Variants in ZFAND3 observed in about 807,000 individuals in gnomAD.
ZFAND3 encodes zinc finger AN1-type containing 3, also known as AN1-type zinc finger protein 3.
In ZFAND3, 10 loss-of-function variants were observed where a neutral mutation model predicts 29.6. That is an observed-to-expected ratio of 0.34 (90% CI 0.21 to 0.57). The LOEUF (loss-of-function observed/expected upper bound fraction) is 0.57. Among genes scored for constraint, ZFAND3 ranks in the 20% least tolerant of loss-of-function variants. The pLI, the probability that ZFAND3 is intolerant of heterozygous loss-of-function variation, is 0.86. For synonymous variants in ZFAND3, 128 were observed against 112.6 expected (o/e 1.14, Z -0.87); for missense variants, 230 against 304.5 (o/e 0.76, Z 1.82).
At chr6:38,017,619 T>C (rs1403338385) in intron 2 of ZFAND3, among the ~76,000 whole-genome samples, 3 of 152,136 alleles carry the variant, frequency 2.0e-5, no homozygotes, top group Non-Finnish European at 4.4e-5. Flanking sequence ...TTAGAATTTC[T>C]ATATTTGATA....
chr6:38,067,150 G>T (rs117341779), intron 3 of ZFAND3, among the ~76,000 whole-genome samples: 1 of 152,114 alleles, frequency 6.6e-6, no homozygotes, highest in African/African-American at 2.4e-5. Flanking sequence ...GGGATTCGGC[G>T]CATACTCAAG....
chr6:37,886,193 G>C (rs896600594), intron 1 of ZFAND3, among the ~76,000 whole-genome samples: 1 of 129,886 alleles, frequency 7.7e-6, no homozygotes, highest in Non-Finnish European at 1.6e-5. Flanking sequence ...AGCTGAGATT[G>C]CGCCACTGCA....
At chr6:38,046,925 GA>G (rs1763914677) in intron 2 of ZFAND3, among the ~76,000 whole-genome samples, 1 of 151,974 alleles carries the variant, frequency 6.6e-6, no homozygotes, top group South Asian at 2.1e-4. Context: ...AAGTTCAGTT[GA>G]TACCCCAGCC....
chr6:38,128,150 C>G (rs192995823), intron 5 of ZFAND3, among the ~76,000 whole-genome samples: 1 of 152,132 alleles, frequency 6.6e-6, no homozygotes, highest in African/African-American at 2.4e-5. Flanking sequence ...TCAAAATAAT[C>G]GGATTTTTAA....
intron 2 of ZFAND3, among the ~76,000 whole-genome samples, chr6:37,987,594 C>A (rs191448154): frequency 4.6e-5 from 7 of 152,318 alleles, no homozygotes; most frequent in East Asian, 3.9e-4. Flanking sequence ...ACCTGCAGAA[C>A]CTTTGTAAAC....
intron 3 of ZFAND3, among the ~76,000 whole-genome samples, chr6:38,067,113 T>C (rs773721212): frequency 2.0e-5 from 3 of 152,248 alleles, no homozygotes; most frequent in Non-Finnish European, 4.4e-5. Flanking sequence ...GTACCTTATA[T>C]GCACAATCAT....
intron 1 of ZFAND3, among the ~76,000 whole-genome samples, chr6:37,916,732 A>G (rs756754578): frequency 8.5e-5 from 13 of 152,248 alleles, no homozygotes; most frequent in Non-Finnish European, 1.6e-4. Flanking sequence ...CACATTTCGC[A>G]GTTTCTGGTA....
At chr6:37,970,921 A>G in intron 2 of ZFAND3, among the ~76,000 whole-genome samples, 1 of 148,002 alleles carries the variant, frequency 6.8e-6, no homozygotes. Flanking sequence ...AACAAACCAA[A>G]CAAACAAACA....
chr6:37,905,649 T>C (rs998637466), intron 1 of ZFAND3, among the ~76,000 whole-genome samples: 28 of 152,146 alleles, frequency 1.8e-4, no homozygotes, highest in African/African-American at 6.8e-4. Flanking sequence ...TAGAGTTGTA[T>C]TGCTGGAAGT....
chr6:38,115,407 A>G (rs72852588), intron 4 of ZFAND3, among the ~76,000 whole-genome samples: 10,268 of 152,232 alleles, frequency 0.067, 413 homozygotes, highest in Non-Finnish European at 0.094. Flanking sequence ...AAGGGGAGCT[A>G]TTAGAGGGTT....
At chr6:38,126,137 T>A in intron 5 of ZFAND3, among the ~76,000 whole-genome samples, 1 of 152,246 alleles carries the variant, frequency 6.6e-6, no homozygotes, top group Non-Finnish European at 1.5e-5. Context: ...GTCTGCTTTC[T>A]GTTGCTATAG....
At position 37,835,250 on chromosome 6, in the gene ZFAND3, A is replaced by G. The variant is rs565109494; in HGVS notation, c.71+15234A>G. 9.2e-5 allele frequency among the ~76,000 whole-genome samples: 14 copies of G among 152,170 alleles called. No homozygotes were observed. The South Asian group carries it at 1.7e-3, about 18-fold the overall frequency. ...TCATGGCTCATTGCAGCCTCAGCCT[A>G]TGGGCTCAAGTGATCTTCCTGCCTC... On this transcript the variant is annotated intron_variant, in intron 1 of 5. Transcript: ENST00000287218.
At chr6:38,091,988 T>C (rs1223748108) in intron 4 of ZFAND3, among the ~76,000 whole-genome samples, 1 of 152,076 alleles carries the variant, frequency 6.6e-6, no homozygotes, top group East Asian at 1.9e-4. Flanking sequence ...CAAGACAAGT[T>C]GTATTCTCTG....
chr6:37,985,286 AAAT>A (rs1762647273), intron 2 of ZFAND3, among the ~76,000 whole-genome samples: 1 of 152,148 alleles, frequency 6.6e-6, no homozygotes, highest in South Asian at 2.1e-4. Context: ...AGCAAAATAA[AAAT>A]AAAATAAAAC....
chr6:38,049,522 A>G (rs1158308808), intron 2 of ZFAND3, among the ~76,000 whole-genome samples: 1 of 152,240 alleles, frequency 6.6e-6, no homozygotes, highest in African/African-American at 2.4e-5. Context: ...CTACTGGGAC[A>G]GAGGATATGT....
At chr6:38,150,695 G>A (rs942689387) in intron 5 of ZFAND3, among the ~76,000 whole-genome samples, 1 of 152,194 alleles carries the variant, frequency 6.6e-6, no homozygotes, top group Non-Finnish European at 1.5e-5. Context: ...AAAAGAAGTT[G>A]AGGATGTGAG....
chr6:37,871,978 C>G (rs1010759148), intron 1 of ZFAND3, among the ~76,000 whole-genome samples: 2 of 152,152 alleles, frequency 1.3e-5, no homozygotes, highest in East Asian at 3.9e-4. Context: ...TAGTCTATCC[C>G]ATGCATGTAT....
chr6:37,849,509 A>G (rs373346510), intron 1 of ZFAND3, among the ~76,000 whole-genome samples: 19 of 152,104 alleles, frequency 1.2e-4, no homozygotes, highest in African/African-American at 4.3e-4. Flanking sequence ...CCTGGGTTCA[A>G]GTGATTCTCC....
chr6:37,885,833 C>T (rs1330220077), intron 1 of ZFAND3, among the ~76,000 whole-genome samples: 1 of 152,018 alleles, frequency 6.6e-6, no homozygotes, highest in Non-Finnish European at 1.5e-5. Flanking sequence ...TTTGCCAACT[C>T]CTAGGCTCAA....
Sources: allele counts gnomAD v4.1 joint callset (sites outside exome capture counted in the v4.1 genomes callset), GRCh38; gene constraint gnomAD v4.1.1; transcripts MANE v1.5; gene names NCBI Gene and HGNC (gene_info 2026-07-23, HGNC 2026-07-21).